Variants in PTPRM observed in about 807,000 individuals in gnomAD.
PTPRM encodes receptor-type tyrosine-protein phosphatase mu.
Under a neutral mutation model 186.7 loss-of-function variants are expected in PTPRM, and 47 were observed. That is an observed-to-expected ratio of 0.25 (90% CI 0.20 to 0.32). PTPRM has a LOEUF of 0.32. Among genes scored for constraint, PTPRM ranks in the 10% least tolerant of loss-of-function variants. The pLI, the probability that PTPRM is intolerant of heterozygous loss-of-function variation, is 1.00. For missense variants in PTPRM, 1,494 were observed against 1,865.0 expected, an observed-to-expected ratio of 0.80 and a Z score of 3.66; for synonymous variants, 668 against 674.9, an observed-to-expected ratio of 0.99 and a Z score of 0.16.
intron 7 of PTPRM, among the ~76,000 whole-genome samples, chr18:8,007,062 A>G (rs1243931285): frequency 1.3e-5 from 2 of 152,120 alleles, no homozygotes; most frequent in East Asian, 3.9e-4. Context: ...CCCTCTAGAT[A>G]ATTATCCTTT....
intron 29 of PTPRM, 96 bp from the exon 30 acceptor site, chr18:8,384,465 A>G: frequency 7.1e-7 from 1 of 1,412,238 alleles, no homozygotes; most frequent in South Asian, 1.2e-5. Flanking sequence ...CTCTTAAAAA[A>G]AAAGGATTAC....
At chr18:7,796,001 A>T (rs1179616377) in intron 2 of PTPRM, among the ~76,000 whole-genome samples, 1 of 151,702 alleles carries the variant, frequency 6.6e-6, no homozygotes, top group Non-Finnish European at 1.5e-5. Context: ...ATAGAGACAG[A>T]GTTTCACTAT....
chr18:8,072,646 T>C (rs1429593734), intron 8 of PTPRM, among the ~76,000 whole-genome samples: 2 of 152,160 alleles, frequency 1.3e-5, no homozygotes, highest in Non-Finnish European at 2.9e-5. Flanking sequence ...TTATAATTCA[T>C]TGAACATTGT....
intron 7 of PTPRM, among the ~76,000 whole-genome samples, chr18:7,989,224 G>A (rs2083131774): frequency 6.6e-6 from 1 of 151,774 alleles, no homozygotes; most frequent in East Asian, 1.9e-4. Flanking sequence ...CTAGTTACAG[G>A]CAAAGTAACA....
intron 2 of PTPRM, among the ~76,000 whole-genome samples, chr18:7,855,599 G>A (rs1231138171): frequency 6.6e-6 from 1 of 152,186 alleles, no homozygotes; most frequent in Non-Finnish European, 1.5e-5. Flanking sequence ...GGAACTAATA[G>A]CACTGAACTC....
chr18:7,577,062 A>G (rs1329182366), intron 1 of PTPRM, among the ~76,000 whole-genome samples: 3 of 152,202 alleles, frequency 2.0e-5, no homozygotes, highest in African/African-American at 4.8e-5. Context: ...AAAAAATCAA[A>G]TAACTTATGC....
At chr18:8,288,240 C>T (rs1347618416) in intron 19 of PTPRM, among the ~76,000 whole-genome samples, 1 of 152,092 alleles carries the variant, frequency 6.6e-6, no homozygotes, top group Non-Finnish European at 1.5e-5. Context: ...TGTGATGAGC[C>T]CTTGAGAGCC....
At chr18:7,859,661 G>A (rs919669987) in intron 2 of PTPRM, among the ~76,000 whole-genome samples, 1 of 152,212 alleles carries the variant, frequency 6.6e-6, no homozygotes, top group Non-Finnish European at 1.5e-5. Context: ...GCTGCCAGAG[G>A]GACCAGGGAA....
intron 5 of PTPRM, among the ~76,000 whole-genome samples, chr18:7,932,093 C>T (rs1400071951): frequency 1.3e-5 from 2 of 152,160 alleles, no homozygotes; most frequent in Non-Finnish European, 2.9e-5. Context: ...GCAACCACAT[C>T]ACATTCAGAG....
At chr18:7,805,927 T>A (rs968419875) in intron 2 of PTPRM, among the ~76,000 whole-genome samples, 4 of 152,146 alleles carry the variant, frequency 2.6e-5, no homozygotes, top group African/African-American at 9.7e-5. Context: ...TACTCAAGCT[T>A]AAAATCAAGA....
chr18:8,055,917 A>G (rs1309436061), intron 7 of PTPRM, among the ~76,000 whole-genome samples: 1 of 152,158 alleles, frequency 6.6e-6, no homozygotes, highest in Non-Finnish European at 1.5e-5. Context: ...CGGTGCTGAT[A>G]TAGACAACTA....
At chr18:7,721,762 C>A (rs1315593339) in intron 1 of PTPRM, among the ~76,000 whole-genome samples, 2 of 152,126 alleles carry the variant, frequency 1.3e-5, no homozygotes, top group African/African-American at 4.8e-5. Flanking sequence ...ATCATATATG[C>A]CAGGGTTTAC....
chr18:7,753,239 A>G (rs894155999), intron 1 of PTPRM, among the ~76,000 whole-genome samples: 3 of 151,938 alleles, frequency 2.0e-5, no homozygotes, highest in South Asian at 2.1e-4. Context: ...TCCTTTTTCT[A>G]TGTGTGTCCG....
Position 8,351,741 on chromosome 18 carries a change from C to T in PTPRM, c.3054+8221C>T, listed in dbSNP as rs892398553. Among the ~76,000 whole-genome samples, 3 of 152,334 alleles carry T rather than the reference C, an allele frequency of 2.0e-5. No individual in the cohort carries two copies. The Middle Eastern group carries it at 0.01, about 518-fold the overall frequency. ...AACTAGAAGTCAAAGAGGAGATTGG[C>T]AGTGTGGCCTGTGATGATTCCCATC... On this transcript the variant is annotated intron_variant, in intron 23 of 32. Coordinates refer to ENST00000580170, the MANE Select transcript of PTPRM (RefSeq NM_001105244.2).
At chr18:8,019,524 A>C (rs2147946167) in intron 7 of PTPRM, among the ~76,000 whole-genome samples, 1 of 152,060 alleles carries the variant, frequency 6.6e-6, no homozygotes, top group Non-Finnish European at 1.5e-5. Context: ...GTCTTTGTTC[A>C]GTATTTTTTA....
intron 1 of PTPRM, among the ~76,000 whole-genome samples, chr18:7,653,548 C>T (rs534069351): frequency 2.8e-4 from 42 of 152,018 alleles, no homozygotes; most frequent in Non-Finnish European, 5.6e-4. Context: ...TTTAGCTCCC[C>T]CTTATCAGTG....
chr18:8,372,337 G>T (rs2095668442), intron 24 of PTPRM, among the ~76,000 whole-genome samples: 1 of 143,610 alleles, frequency 7.0e-6, no homozygotes, highest in Non-Finnish European at 1.5e-5. Context: ...GCCTCCCAAA[G>T]TGCTGGGATT....
rs191192503 is a variant in PTPRM, at chr18:7,668,095, G to C, written c.73+100204G>C. Among the ~76,000 whole-genome samples the C allele has an allele frequency of 3.3e-5, 5 of 152,144 alleles. No homozygotes were observed. The highest frequency in any genetic ancestry group is 7.4e-5 in the Non-Finnish European group (5 of 68,016). ...GTTTTTTATTTTTATGGTGGTGGTTGTAATGTATTTGCTTTTAGAGAAATG... is the reference window on the plus strand; with the variant it reads ...GTTTTTTATTTTTATGGTGGTGGTTCTAATGTATTTGCTTTTAGAGAAATG... On this transcript the variant is annotated intron_variant, in intron 1 of 32. Transcript: ENST00000580170. The surrounding 1 kb of genome is among the most constrained non-coding windows in gnomAD (Gnocchi z 4.7).
intron 1 of PTPRM, among the ~76,000 whole-genome samples, chr18:7,748,867 C>T (rs1361689005): frequency 1.3e-5 from 2 of 152,172 alleles, no homozygotes; most frequent in African/African-American, 4.8e-5. Flanking sequence ...AACTCCCCCA[C>T]CCCAGTGGGA....
Sources: gnomAD v4.1 joint callset for allele counts (sites outside exome capture counted in the v4.1 genomes callset) on GRCh38, gnomAD v4.1.1 for gene constraint, Gnocchi (gnomAD v3.1) non-coding constraint, MANE v1.5 for transcripts, NCBI Gene and HGNC (gene_info 2026-07-23, HGNC 2026-07-21) for gene names.